The following DTWD2 variants were observed in gnomAD, a reference collection of about 807,000 sequenced individuals.
The protein encoded by DTWD2 is DTW motif tRNA-uridine aminocarboxypropyltransferase 2, also known as tRNA-uridine aminocarboxypropyltransferase 2.
In DTWD2, 39 loss-of-function variants were observed where a neutral mutation model predicts 31.8. The ratio of observed to expected loss-of-function variants is 1.22; its 90% CI spans 0.95 to 1.60. The LOEUF is 1.60. DTWD2 is among the 40% of genes most tolerant of loss of function. DTWD2 has a pLI of 0.00. For synonymous variants in DTWD2, 180 were observed against 142.8 expected (o/e 1.26, Z -1.86); for missense variants, 515 against 381.5 (o/e 1.35, Z -2.92).
chr5:118,903,138 T>C (rs1032986508), intron 4 of DTWD2, among the ~76,000 whole-genome samples: 4 of 137,402 alleles, frequency 2.9e-5, no homozygotes, highest in African/African-American at 1.3e-4. Context: ...TTCATTGTGC[T>C]AAAATGGTAA....
At chr5:118,857,572 A>C (rs1447143701) in intron 4 of DTWD2, among the ~76,000 whole-genome samples, 2 of 152,104 alleles carry the variant, frequency 1.3e-5, no homozygotes, top group Admixed American at 1.3e-4. Flanking sequence ...TCTCACTGTG[A>C]ATTATGCTTT....
chr5:118,857,149 T>C (rs1752155590), intron 4 of DTWD2, among the ~76,000 whole-genome samples: 2 of 151,984 alleles, frequency 1.3e-5, no homozygotes, highest in Admixed American at 6.6e-5. Context: ...TAAAAAAAAG[T>C]TTGAAAATTG....
At chr5:118,963,560 A>G (rs1754754950) in intron 1 of DTWD2, among the ~76,000 whole-genome samples, 1 of 152,222 alleles carries the variant, frequency 6.6e-6, no homozygotes, top group African/African-American at 2.4e-5. Context: ...TTCTCCAGGA[A>G]AGGAATAAAA....
At position 118,944,590 on chromosome 5, in the gene DTWD2, G is replaced by A. The variant is rs761891421; in HGVS notation, c.278C>T (p.Thr93Ile). The change falls in exon 2 of 6, where the codon ACC becomes ATC. Residue 93 changes from threonine (T) to isoleucine (I), a missense_variant. By Grantham distance (89) the Thr-to-Ile change is moderately conservative. Coordinates refer to ENST00000510708, the MANE Select transcript of DTWD2 (RefSeq NM_173666.4). ...TGGATGCTGAATTATGTACAAGTGG[G>A]TAGAGATATGCAGAGGGTGCGCTGG... ...FLPAHPLHIS[T>I]HLYIIQHPAE... 3.7e-6 allele frequency: 6 copies of A among 1,613,388 alleles called. No homozygotes were observed. The highest frequency in any genetic ancestry group is 1.7e-4 in the Middle Eastern group (1 of 6,028).
rs201508409 is a variant in DTWD2, at chr5:118,917,979, A to AATTTCATG, written c.597+10550_597+10557dup. 4.1e-3 allele frequency among the ~76,000 whole-genome samples: 623 copies of AATTTCATG among 151,692 alleles called. 7 individuals are homozygous for AATTTCATG. The highest frequency in any genetic ancestry group is 0.03 in the East Asian group (152 of 5,146). On this transcript the variant is annotated intron_variant, in intron 4 of 5. Coordinates refer to ENST00000510708, the MANE Select transcript of DTWD2 (RefSeq NM_173666.4). The stretch of plus-strand genomic sequence containing the variant: ...GACTCTCAAAAAAAAAAAACCATCC[A>AATTTCATG]ATTTCATGAGAATTCATTCACTATC...
At chr5:118,924,384 C>G (rs773590786) in intron 4 of DTWD2, among the ~76,000 whole-genome samples, 1 of 152,200 alleles carries the variant, frequency 6.6e-6, no homozygotes, top group Non-Finnish European at 1.5e-5. Context: ...CTCTCCTACT[C>G]ACTCTGAACC....
At chr5:118,961,706 C>T (rs1359167929) in intron 1 of DTWD2, among the ~76,000 whole-genome samples, 2 of 152,134 alleles carry the variant, frequency 1.3e-5, no homozygotes, top group African/African-American at 2.4e-5. Flanking sequence ...ATTCTCTCAT[C>T]TCCTTTTCTT....
intron 3 of DTWD2, among the ~76,000 whole-genome samples, chr5:118,936,240 T>C (rs1189259338): frequency 2.0e-5 from 3 of 152,052 alleles, no homozygotes; most frequent in African/African-American, 7.2e-5. Flanking sequence ...AAAGCAATGG[T>C]TAAGAAGAGA....
At chr5:118,975,423 G>A (rs1231376530) in intron 1 of DTWD2, among the ~76,000 whole-genome samples, 6 of 151,984 alleles carry the variant, frequency 3.9e-5, no homozygotes, top group Non-Finnish European at 7.4e-5. Flanking sequence ...TTAGCAATTC[G>A]TCTAACCTTT....
At chr5:118,939,364 A>T (rs1392978427) in intron 2 of DTWD2, 74 bp from the exon 3 acceptor site, 1 of 1,236,782 alleles carries the variant, frequency 8.1e-7, no homozygotes, top group Non-Finnish European at 1.1e-6. Context: ...TATAATGAAC[A>T]TCTGATTCAT....
At chr5:118,924,105 A>C (rs963386635) in intron 4 of DTWD2, among the ~76,000 whole-genome samples, 20 of 152,160 alleles carry the variant, frequency 1.3e-4, no homozygotes, top group African/African-American at 4.6e-4. Context: ...GTCTTCCAAA[A>C]AGGCAGAGGG....
At chr5:118,985,717 C>T (rs899241000) in intron 1 of DTWD2, among the ~76,000 whole-genome samples, 4 of 151,848 alleles carry the variant, frequency 2.6e-5, no homozygotes, top group African/African-American at 9.7e-5. Context: ...AATCTTTCCA[C>T]TCTGATGTCA....
chr5:118,969,913 T>C (rs1561476318), intron 1 of DTWD2, among the ~76,000 whole-genome samples: 3 of 152,098 alleles, frequency 2.0e-5, no homozygotes, highest in African/African-American at 2.4e-5. Context: ...TCTAACCCAA[T>C]GCAAAGAAGC....
chr5:118,964,241 C>T (rs1754775477), intron 1 of DTWD2, among the ~76,000 whole-genome samples: 1 of 150,850 alleles, frequency 6.6e-6, no homozygotes, highest in African/African-American at 2.4e-5. Context: ...AAAAAATTTG[C>T]AGAATGAAAC....
intron 3 of DTWD2, among the ~76,000 whole-genome samples, chr5:118,937,911 C>CTA (rs1277533766): frequency 2.6e-5 from 4 of 152,142 alleles, no homozygotes; most frequent in African/African-American, 9.7e-5. Flanking sequence ...CACAGCCATA[C>CTA]TATAGTATTC....
intron 4 of DTWD2, among the ~76,000 whole-genome samples, chr5:118,871,879 G>C (rs1189966789): frequency 6.6e-6 from 1 of 152,112 alleles, no homozygotes; most frequent in African/African-American, 2.4e-5. Context: ...TTTCTCTCTT[G>C]CTATCAAAGT....
At chr5:118,875,563 GAAAAA>G (rs34990814) in intron 4 of DTWD2, among the ~76,000 whole-genome samples, 1 of 44,554 alleles carries the variant, frequency 2.2e-5, no homozygotes, top group African/African-American at 8.2e-5. Context: ...CCTAGTTTCT[GAAAAA>G]AAAAAAAAAA....
intron 4 of DTWD2, among the ~76,000 whole-genome samples, chr5:118,895,884 G>A (rs561606258): frequency 1.1e-4 from 17 of 152,006 alleles, no homozygotes; most frequent in Non-Finnish European, 2.1e-4. Context: ...CATATAACAT[G>A]GAACCATTAA....
rs774025802 is a variant in DTWD2 at position 118,848,087 on chromosome 5, T to C, written c.726+3A>G. 2 of 1,555,668 alleles carry C rather than the reference T, an allele frequency of 1.3e-6. No individual in the cohort carries two copies. Among genetic ancestry groups the C allele is most frequent in the African/African-American group, 1.4e-5 (1 of 71,790 alleles). ...GAAAAACTATAACCTTACAAAGACG[T>C]ACCTCTTGTATGTAATTATTTTTCT... On this transcript the variant is annotated splice_donor_region_variant and intron_variant, in intron 5 of 5. Transcript: ENST00000510708.
Sources: allele counts gnomAD v4.1 joint callset (sites outside exome capture counted in the v4.1 genomes callset), GRCh38; gene constraint gnomAD v4.1.1; transcripts MANE v1.5; gene names NCBI Gene and HGNC (gene_info 2026-07-23, HGNC 2026-07-21).